The following SPATA13 variants were observed in gnomAD, a reference collection of about 807,000 sequenced individuals.
SPATA13 encodes spermatogenesis associated 13.
In SPATA13, 50 loss-of-function variants were observed where a neutral mutation model predicts 104.0. That is an observed-to-expected ratio of 0.48 (90% CI 0.38 to 0.61). The LOEUF is 0.61. Among genes scored for constraint, SPATA13 ranks in the 20% least tolerant of loss-of-function variants. SPATA13 has a pLI of 0.00. For missense variants in SPATA13, 1,524 were observed against 1,690.6 expected (o/e 0.90, Z 1.73); for synonymous variants, 606 against 667.5 (o/e 0.91, Z 1.42).
At chr13:24,130,337 C>T (rs1471066197) in intron 3 of SPATA13, among the ~76,000 whole-genome samples, 1 of 152,154 alleles carries the variant, frequency 6.6e-6, no homozygotes, top group Non-Finnish European at 1.5e-5. Flanking sequence ...GTACAGGCAC[C>T]TCCCTGTAAC....
chr13:24,230,304 T>A (rs1045333887), intron 2 of SPATA13, among the ~76,000 whole-genome samples: 9 of 151,968 alleles, frequency 5.9e-5, no homozygotes, highest in African/African-American at 2.2e-4. Flanking sequence ...GCCTAGCTGG[T>A]GAGAGGAATG....
intron 2 of SPATA13, chr13:23,983,972 T>C: frequency 1.0e-6 from 1 of 984,678 alleles, no homozygotes; most frequent in Non-Finnish European, 1.2e-6. Context: ...GCATTATCCA[T>C]GCTTATTTCT....
At chr13:24,077,340 C>T (rs989075676) in intron 3 of SPATA13, among the ~76,000 whole-genome samples, 13 of 147,796 alleles carry the variant, frequency 8.8e-5, no homozygotes, top group Middle Eastern at 3.7e-3. Context: ...ACTATAGTTA[C>T]AGGAGCCATG....
At chr13:24,018,667 A>G (rs1876825838) in intron 3 of SPATA13, among the ~76,000 whole-genome samples, 1 of 152,186 alleles carries the variant, frequency 6.6e-6, no homozygotes, top group African/African-American at 2.4e-5. Context: ...AGGGTTACTT[A>G]TTGATCTGCA....
intron 3 of SPATA13, among the ~76,000 whole-genome samples, chr13:24,092,607 C>T (rs752323220): frequency 6.6e-6 from 1 of 152,132 alleles, no homozygotes; most frequent in Non-Finnish European, 1.5e-5. Flanking sequence ...TTTAGGGTCT[C>T]TTAGAGATGG....
chr13:24,128,669 C>T (rs1228347897), intron 3 of SPATA13, among the ~76,000 whole-genome samples: 4 of 151,382 alleles, frequency 2.6e-5, no homozygotes, highest in South Asian at 2.1e-4. Context: ...ACAGGACTCC[C>T]GGGAGCAAGA....
At chr13:24,129,276 T>G (rs1439276898) in intron 3 of SPATA13, among the ~76,000 whole-genome samples, 1 of 152,234 alleles carries the variant, frequency 6.6e-6, no homozygotes, top group Non-Finnish European at 1.5e-5. Context: ...GTACAGCGTC[T>G]GTCCCATGTG....
chr13:24,196,845 AT>A (rs67825868), intron 1 of SPATA13, among the ~76,000 whole-genome samples: 5,186 of 152,222 alleles, frequency 0.034, 310 homozygotes, highest in African/African-American at 0.12. Flanking sequence ...AGAGTAGTAC[AT>A]TTCAAGAGAT....
At chr13:24,062,538 C>G (rs1434033001) in intron 3 of SPATA13, among the ~76,000 whole-genome samples, 4 of 152,152 alleles carry the variant, frequency 2.6e-5, no homozygotes, top group Admixed American at 6.5e-5. Flanking sequence ...TGGAGCCACA[C>G]TTCTTATTTG....
intron 1 of SPATA13, among the ~76,000 whole-genome samples, chr13:24,201,646 G>A (rs1461275141): frequency 1.3e-5 from 2 of 152,086 alleles, no homozygotes; most frequent in Non-Finnish European, 2.9e-5. Context: ...TCACCATGTT[G>A]GCCAAAATGG....
intron 1 of SPATA13, among the ~76,000 whole-genome samples, chr13:24,183,378 A>C (rs1241464063): frequency 6.6e-6 from 1 of 152,240 alleles, no homozygotes; most frequent in Non-Finnish European, 1.5e-5. Context: ...AACATTTAAC[A>C]ACGGCATCAT....
chr13:24,260,134 G>A (rs1448501556), intron 4 of SPATA13, among the ~76,000 whole-genome samples: 1 of 152,196 alleles, frequency 6.6e-6, no homozygotes, highest in African/African-American at 2.4e-5. Flanking sequence ...CTGCACTCAC[G>A]CTGAGTAGAA....
intron 3 of SPATA13, among the ~76,000 whole-genome samples, chr13:24,110,205 G>T (rs1435349186): frequency 1.3e-5 from 2 of 151,766 alleles, no homozygotes; most frequent in Non-Finnish European, 2.9e-5. Context: ...AATCAATGCA[G>T]CTGTGTTCTG....
At chr13:24,244,481 C>A (rs1306764690) in intron 2 of SPATA13, among the ~76,000 whole-genome samples, 1 of 152,144 alleles carries the variant, frequency 6.6e-6, no homozygotes. Context: ...GGTAACATAG[C>A]CTATATTGGC....
At chr13:24,107,043 T>C (rs1295714490) in intron 3 of SPATA13, among the ~76,000 whole-genome samples, 3 of 150,172 alleles carry the variant, frequency 2.0e-5, no homozygotes, top group East Asian at 3.9e-4. Flanking sequence ...CATGAAAAGA[T>C]GATAAGGACG....
At position 24,245,219 on chromosome 13, in the gene SPATA13, C is replaced by T. The variant is rs548041856; in HGVS notation, c.1654-4258C>T. On this transcript the variant is annotated intron_variant, in intron 2 of 12. Transcript: ENST00000382108. Reference sequence around the variant, plus strand: ...GTGTGTCTACAGTTCCAAGTAGAATCGCAACCAAACTACATTCCCTGGAAT... The same window carrying T: ...GTGTGTCTACAGTTCCAAGTAGAATTGCAACCAAACTACATTCCCTGGAAT... Among the ~76,000 whole-genome samples, 9 of 151,916 alleles carry T rather than the reference C, an allele frequency of 5.9e-5. No homozygotes were observed. The East Asian group carries it at 9.7e-4, about 16-fold the overall frequency.
intron 3 of SPATA13, among the ~76,000 whole-genome samples, chr13:24,079,354 T>G (rs528676182): frequency 1.6e-4 from 24 of 152,022 alleles, no homozygotes; most frequent in African/African-American, 5.8e-4. Context: ...GCTGAGGGGG[T>G]GACATGATCC....
intron 4 of SPATA13, among the ~76,000 whole-genome samples, chr13:24,282,677 C>T (rs1179322155): frequency 6.6e-6 from 1 of 152,206 alleles, no homozygotes; most frequent in Non-Finnish European, 1.5e-5. Context: ...TCCTCCACGT[C>T]GTAGCAAAGT....
intron 2 of SPATA13, among the ~76,000 whole-genome samples, chr13:24,008,679 C>A (rs1352684371): frequency 1.3e-5 from 2 of 152,122 alleles, no homozygotes; most frequent in African/African-American, 2.4e-5. Flanking sequence ...AGGCCTGGGC[C>A]AGCTGAGGAA....
Sources: allele counts gnomAD v4.1 joint callset (sites outside exome capture counted in the v4.1 genomes callset), GRCh38; gene constraint gnomAD v4.1.1; transcripts MANE v1.5; gene names NCBI Gene and HGNC (gene_info 2026-07-23, HGNC 2026-07-21).